Variants in SORBS2 observed in about 807,000 individuals in gnomAD.
The protein encoded by SORBS2 is sorbin and SH3 domain-containing protein 2.
A neutral mutation model predicts 97.7 loss-of-function variants in SORBS2; 46 were observed. The ratio of observed to expected loss-of-function variants is 0.47; its 90% CI spans 0.37 to 0.60. SORBS2 has a LOEUF of 0.60. Among genes scored for constraint, SORBS2 ranks in the 20% least tolerant of loss-of-function variants. The probability of loss-of-function intolerance (pLI) is 0.00; values close to 1 mark genes in which losing one functional copy is unlikely to be tolerated. For synonymous variants in SORBS2, 476 were observed against 473.4 expected (o/e 1.01, Z -0.07); for missense variants, 1,316 against 1,282.3 (o/e 1.03, Z -0.40).
At chr4:185,828,698 C>T (rs2153673095) in intron 1 of SORBS2, among the ~76,000 whole-genome samples, 1 of 152,114 alleles carries the variant, frequency 6.6e-6, no homozygotes, top group East Asian at 1.9e-4. Context: ...AGACACTGTA[C>T]ATCAATTCCA....
intron 1 of SORBS2, among the ~76,000 whole-genome samples, chr4:185,886,118 A>T (rs933872097): frequency 1.3e-5 from 2 of 152,218 alleles, no homozygotes; most frequent in Non-Finnish European, 2.9e-5. Context: ...GGGGAAAACG[A>T]TGGACTGACT....
chr4:185,729,894 G>A (rs1430807647), intron 2 of SORBS2, among the ~76,000 whole-genome samples: 1 of 152,130 alleles, frequency 6.6e-6, no homozygotes, highest in African/African-American at 2.4e-5. Flanking sequence ...TCATTGGGGT[G>A]TATTGTAATT....
intron 1 of SORBS2, among the ~76,000 whole-genome samples, chr4:185,913,909 A>G (rs1467901963): frequency 1.3e-5 from 2 of 152,226 alleles, no homozygotes; most frequent in African/African-American, 4.8e-5. Flanking sequence ...CATGTGGGAC[A>G]TGGTTAGCTC....
chr4:185,674,929 A>T (rs2097770593), intron 4 of SORBS2, among the ~76,000 whole-genome samples: 1 of 152,244 alleles, frequency 6.6e-6, no homozygotes, highest in South Asian at 2.1e-4. Flanking sequence ...TAATATATGT[A>T]ATTTACTCCA....
intron 4 of SORBS2, 79 bp from the exon 14 acceptor site, chr4:185,639,114 GC>G: frequency 7.6e-7 from 1 of 1,309,444 alleles, no homozygotes; most frequent in South Asian, 1.5e-5. Flanking sequence ...CTGGCAGCGC[GC>G]TGTGCCTGCG....
Position 185,823,644 on chromosome 4 carries a change from T to TA in SORBS2, c.-337-48279dup, listed in dbSNP as rs200819164. Among the ~76,000 whole-genome samples, 1,306 of 152,086 alleles carry TA rather than the reference T, an allele frequency of 8.6e-3. 16 individuals carry two copies. Among genetic ancestry groups the TA allele is most frequent in the Middle Eastern group, 0.038 (11 of 292 alleles). Reference sequence around the variant, plus strand: ...CTGTGGAGGAAGCTTTGATGAATATTAAAAAAAATTCAGTGAGAAGATGGA... The same window carrying TA: ...CTGTGGAGGAAGCTTTGATGAATATTAAAAAAAAATTCAGTGAGAAGATGGA... On this transcript the variant is annotated intron_variant, in intron 1 of 20. Transcript: ENST00000284776.
intron 1 of SORBS2, among the ~76,000 whole-genome samples, chr4:185,839,916 A>C (rs1229944050): frequency 1.3e-5 from 2 of 152,236 alleles, no homozygotes; most frequent in Admixed American, 6.5e-5. Context: ...GGGCTCCAGT[A>C]AGCAGAGTGG....
intron 1 of SORBS2, among the ~76,000 whole-genome samples, chr4:185,943,829 G>T (rs1218029705): frequency 1.3e-5 from 2 of 152,192 alleles, no homozygotes; most frequent in Non-Finnish European, 2.9e-5. Context: ...GGGGTCTCCT[G>T]TTTCTAGGAG....
intron 1 of SORBS2, among the ~76,000 whole-genome samples, chr4:185,841,394 G>A (rs1000222472): frequency 7.2e-5 from 11 of 152,128 alleles, no homozygotes; most frequent in African/African-American, 1.7e-4. Context: ...GCACTTGCTC[G>A]TGTATTAGAG....
intron 1 of SORBS2, among the ~76,000 whole-genome samples, chr4:185,873,809 G>A (rs72707660): frequency 0.056 from 8,445 of 151,910 alleles, 334 homozygotes; most frequent in Middle Eastern, 0.11. Context: ...CTATTAAAGA[G>A]GACTATTGTA....
chr4:185,666,093 G>A, intron 4 of SORBS2: 3 of 1,289,796 alleles, frequency 2.3e-6, no homozygotes, highest in Non-Finnish European at 3.0e-6. Flanking sequence ...AAGTGGCTCG[G>A]TTCAAAGGTA....
intron 12 of SORBS2, among the ~76,000 whole-genome samples, chr4:185,598,465 A>C (rs2096172309): frequency 6.6e-6 from 1 of 152,228 alleles, no homozygotes; most frequent in Non-Finnish European, 1.5e-5. Context: ...TAACATCAGT[A>C]AAATATATAC....
chr4:185,771,219 G>A (rs1019170041), intron 2 of SORBS2: 1 of 150,812 alleles, frequency 6.6e-6, no homozygotes, highest in African/African-American at 2.4e-5. Context: ...TTGAACTCCT[G>A]ATCTCAAGTG....
chr4:185,629,153 G>A (rs915086800), intron 5 of SORBS2, among the ~76,000 whole-genome samples: 16 of 152,130 alleles, frequency 1.1e-4, no homozygotes, highest in African/African-American at 2.7e-4. Flanking sequence ...TGGGATGTAC[G>A]GAAGCAAGCG....
chr4:185,813,273 C>T (rs1253899443), intron 1 of SORBS2: 1 of 152,204 alleles, frequency 6.6e-6, no homozygotes, highest in Non-Finnish European at 1.5e-5. Flanking sequence ...CGTTTCCCTA[C>T]CCATGTTAAC....
chr4:185,827,153 TCATCATCACCATCATCAC>T (rs1360472731), intron 1 of SORBS2, among the ~76,000 whole-genome samples: 1 of 44,772 alleles, frequency 2.2e-5, no homozygotes, highest in Non-Finnish European at 4.7e-5. Context: ...ATTGCCATCA[TCATCATCACCATCATCAC>T]CATCATCAGA....
chr4:185,939,181 C>G (rs1224751541), intron 1 of SORBS2, among the ~76,000 whole-genome samples: 4 of 152,100 alleles, frequency 2.6e-5, no homozygotes, highest in African/African-American at 9.7e-5. Flanking sequence ...CTGAATGCAC[C>G]ATTTTACCTA....
chr4:185,605,079 A>T (rs867470507), intron 12 of SORBS2, among the ~76,000 whole-genome samples: 6 of 152,210 alleles, frequency 3.9e-5, no homozygotes, highest in Admixed American at 6.5e-5. Flanking sequence ...GCTCCTTGCA[A>T]TGAATTATCT....
intron 1 of SORBS2, among the ~76,000 whole-genome samples, chr4:185,953,790 A>G (rs2099278336): frequency 6.6e-6 from 1 of 152,190 alleles, no homozygotes; most frequent in South Asian, 2.1e-4. Flanking sequence ...ATTTACATGA[A>G]CTGCTTATAA....
Sources: gnomAD v4.1 joint callset for allele counts (sites outside exome capture counted in the v4.1 genomes callset) on GRCh38, gnomAD v4.1.1 for gene constraint, MANE v1.5 for transcripts, NCBI Gene and HGNC (gene_info 2026-07-23, HGNC 2026-07-21) for gene names.